Variants in CDH13 observed in about 807,000 individuals in gnomAD.
CDH13 encodes cadherin-13.
In CDH13, 24 loss-of-function variants were observed where a neutral mutation model predicts 63.8. That is an observed-to-expected ratio of 0.38 (90% CI 0.27 to 0.53). The LOEUF (loss-of-function observed/expected upper bound fraction) is 0.53, where lower values mean the gene tolerates loss of function less well. CDH13 is among the 20% of genes least tolerant of loss of function. CDH13 has a pLI of 0.85. For synonymous variants in CDH13, 503 were observed against 355.3 expected, an observed-to-expected ratio of 1.42 and a Z score of -4.67; for missense variants, 1,049 against 903.1, an observed-to-expected ratio of 1.16 and a Z score of -2.07.
chr16:83,118,375 T>C (rs1302112404), intron 3 of CDH13, among the ~76,000 whole-genome samples: 1 of 152,232 alleles, frequency 6.6e-6, no homozygotes, highest in Non-Finnish European at 1.5e-5. Context: ...TGTGTGTATG[T>C]GTGTCTATCA....
At chr16:83,057,079 G>T (rs2031023184) in intron 3 of CDH13, among the ~76,000 whole-genome samples, 1 of 152,132 alleles carries the variant, frequency 6.6e-6, no homozygotes. Context: ...TGATTCTCCT[G>T]CCTCAGCCTC....
intron 1 of CDH13, among the ~76,000 whole-genome samples, chr16:82,784,301 C>T (rs12386028): frequency 0.31 from 47,051 of 152,140 alleles, 7,705 homozygotes; most frequent in South Asian, 0.44. Context: ...AGAAGTATCA[C>T]GGCGCAGCAT....
At chr16:82,841,435 TA>T in intron 1 of CDH13, among the ~76,000 whole-genome samples, 1 of 152,202 alleles carries the variant, frequency 6.6e-6, no homozygotes, top group Non-Finnish European at 1.5e-5. Context: ...TCAAATTGAT[TA>T]TCCTGTAGTT....
At chr16:83,091,547 G>A (rs1429588750) in intron 3 of CDH13, among the ~76,000 whole-genome samples, 1 of 152,188 alleles carries the variant, frequency 6.6e-6, no homozygotes, top group Non-Finnish European at 1.5e-5. Context: ...ACTGAAATGA[G>A]CTCCAGCTGG....
intron 1 of CDH13, among the ~76,000 whole-genome samples, chr16:82,708,349 A>G (rs1394666055): frequency 6.6e-6 from 1 of 152,162 alleles, no homozygotes; most frequent in Non-Finnish European, 1.5e-5. Flanking sequence ...AAAAGTGCAA[A>G]TAGGGCATAA....
chr16:82,690,832 G>A (rs917697086), intron 1 of CDH13, among the ~76,000 whole-genome samples: 4 of 152,178 alleles, frequency 2.6e-5, no homozygotes, highest in East Asian at 3.9e-4. Flanking sequence ...GCCTGGCCTC[G>A]GCTGAGCTGA....
chr16:83,477,974 G>T (rs562030189), intron 6 of CDH13, among the ~76,000 whole-genome samples: 1 of 152,214 alleles, frequency 6.6e-6, no homozygotes, highest in Admixed American at 6.5e-5. Flanking sequence ...GAGGTCAGGA[G>T]ATCGAGACCA....
At chr16:83,133,585 G>A (rs1285106686) in intron 4 of CDH13, among the ~76,000 whole-genome samples, 2 of 152,114 alleles carry the variant, frequency 1.3e-5, no homozygotes, top group African/African-American at 4.8e-5. Flanking sequence ...TGCAACCTCT[G>A]CCTCCGGGGT....
At chr16:82,629,791 T>C (rs1192527157) in intron 1 of CDH13, among the ~76,000 whole-genome samples, 1 of 152,234 alleles carries the variant, frequency 6.6e-6, no homozygotes, top group Non-Finnish European at 1.5e-5. Flanking sequence ...TGGGGTGTTT[T>C]GGGAAAGTCT....
intron 9 of CDH13, among the ~76,000 whole-genome samples, chr16:83,675,306 G>T (rs1914863541): frequency 6.6e-6 from 1 of 152,156 alleles, no homozygotes; most frequent in East Asian, 1.9e-4. Flanking sequence ...CATACAGCTG[G>T]AGTTAGTAGA....
At chr16:82,773,582 C>G (rs897777521) in intron 1 of CDH13, 5 of 152,322 alleles carry the variant, frequency 3.3e-5, no homozygotes, top group Middle Eastern at 3.4e-3. Context: ...ACAGTACATT[C>G]TAGAGCTACC....
At chr16:82,711,132 A>G (rs1259534224) in intron 1 of CDH13, among the ~76,000 whole-genome samples, 5 of 152,128 alleles carry the variant, frequency 3.3e-5, no homozygotes, top group African/African-American at 1.2e-4. Context: ...GCTTCTAAAT[A>G]GGAATGAACA....
intron 1 of CDH13, among the ~76,000 whole-genome samples, chr16:82,732,049 C>T (rs2033432453): frequency 6.6e-6 from 1 of 152,122 alleles, no homozygotes; most frequent in Admixed American, 6.6e-5. Flanking sequence ...TCTTTGATCC[C>T]TTCAGTACCA....
At chr16:83,220,852 T>C (rs2039679597) in intron 5 of CDH13, among the ~76,000 whole-genome samples, 1 of 152,218 alleles carries the variant, frequency 6.6e-6, no homozygotes, top group Non-Finnish European at 1.5e-5. Flanking sequence ...TAAGAAATAA[T>C]CTGGAATACA....
At chr16:83,080,699 A>G (rs1720486413) in intron 3 of CDH13, among the ~76,000 whole-genome samples, 1 of 152,036 alleles carries the variant, frequency 6.6e-6, no homozygotes, top group South Asian at 2.1e-4. Context: ...TTGATCAGAA[A>G]CAAGTATATC....
At chr16:82,780,469 T>A (rs2035701165) in intron 1 of CDH13, among the ~76,000 whole-genome samples, 1 of 152,214 alleles carries the variant, frequency 6.6e-6, no homozygotes, top group Non-Finnish European at 1.5e-5. Flanking sequence ...TCTGCACATT[T>A]TCAACTGACT....
chr16:82,816,190 G>A (rs145439883), intron 1 of CDH13, among the ~76,000 whole-genome samples: 2 of 152,176 alleles, frequency 1.3e-5, no homozygotes, highest in East Asian at 3.9e-4. Context: ...CCTCCTGGAA[G>A]CAAACCCCAC....
At chr16:83,396,355 G>C (rs369525444) in intron 6 of CDH13, among the ~76,000 whole-genome samples, 8 of 152,158 alleles carry the variant, frequency 5.3e-5, no homozygotes, top group African/African-American at 1.9e-4. Context: ...TCAATGATCA[G>C]CTATTGAGTA....
At chr16:83,539,397 C>T (rs958788582) in intron 7 of CDH13, among the ~76,000 whole-genome samples, 10 of 152,266 alleles carry the variant, frequency 6.6e-5, no homozygotes, top group Middle Eastern at 3.4e-3. Flanking sequence ...TCCTGCTGTG[C>T]GACTCGGTTC....
Sources: gnomAD v4.1 joint callset for allele counts (sites outside exome capture counted in the v4.1 genomes callset) on GRCh38, gnomAD v4.1.1 for gene constraint, MANE v1.5 for transcripts, NCBI Gene and HGNC (gene_info 2026-07-23, HGNC 2026-07-21) for gene names.